The following CRPPA variants were observed in gnomAD, a reference collection of about 807,000 sequenced individuals.
CRPPA encodes the protein CDP-L-ribitol pyrophosphorylase A, also known as D-ribitol-5-phosphate cytidylyltransferase.
Under a neutral mutation model 52.0 loss-of-function variants are expected in CRPPA, and 43 were observed. The ratio of observed to expected loss-of-function variants is 0.83; its 90% CI spans 0.65 to 1.07. CRPPA has a LOEUF of 1.07. Among genes scored for constraint, CRPPA ranks in the 50% least tolerant of loss-of-function variants. The pLI, the probability that CRPPA is intolerant of heterozygous loss-of-function variation, is 0.00. For synonymous variants in CRPPA, 250 were observed against 203.5 expected (o/e 1.23, Z -1.94); for missense variants, 629 against 551.7 (o/e 1.14, Z -1.40).
chr7:16,191,516 T>C (rs1781608771), intron 9 of CRPPA, among the ~76,000 whole-genome samples: 1 of 152,072 alleles, frequency 6.6e-6, no homozygotes, highest in Non-Finnish European at 1.5e-5. Flanking sequence ...AGGAAGGAAT[T>C]AAGAATTGCC....
chr7:16,261,997 T>A (rs1448020732), intron 6 of CRPPA: 2 of 152,154 alleles, frequency 1.3e-5, no homozygotes, highest in African/African-American at 2.4e-5. Flanking sequence ...ATACTGTAGA[T>A]ATATGAGGTT....
At chr7:16,341,614 A>G (rs6943897) in intron 3 of CRPPA, among the ~76,000 whole-genome samples, 5,169 of 152,238 alleles carry the variant, frequency 0.034, 281 homozygotes, top group African/African-American at 0.12. Context: ...CTGTTTATAC[A>G]TATTAGGTGG....
At chr7:16,156,678 C>A (rs1268258848) in intron 9 of CRPPA, among the ~76,000 whole-genome samples, 1 of 152,168 alleles carries the variant, frequency 6.6e-6, no homozygotes, top group African/African-American at 2.4e-5. Context: ...AATATTTTCA[C>A]CTCCATCAAA....
chr7:16,154,673 T>C (rs1350286863), intron 9 of CRPPA, among the ~76,000 whole-genome samples: 2 of 152,194 alleles, frequency 1.3e-5, no homozygotes, highest in Non-Finnish European at 2.9e-5. Flanking sequence ...GATCTTGTCT[T>C]GTTCTTGACT....
At chr7:16,420,382 C>A (rs971999155) in intron 1 of CRPPA, among the ~76,000 whole-genome samples, 12 of 152,270 alleles carry the variant, frequency 7.9e-5, no homozygotes, top group Admixed American at 6.5e-4. Context: ...AATATTATAA[C>A]ATACCCCTTC....
chr7:16,186,768 C>A (rs1458537190), intron 9 of CRPPA, among the ~76,000 whole-genome samples: 1 of 151,542 alleles, frequency 6.6e-6, no homozygotes, highest in East Asian at 2.0e-4. Context: ...AATTTGTTCC[C>A]AGAGTTCCCA....
At position 16,284,028 on chromosome 7, in the gene CRPPA, G is replaced by A. The variant is rs553531028; in HGVS notation, c.836-5802C>T. 3.3e-5 allele frequency among the ~76,000 whole-genome samples: 5 copies of A among 152,194 alleles called. No homozygotes were observed. The South Asian group carries it at 6.2e-4, about 19-fold the overall frequency. On this transcript the variant is annotated intron_variant, in intron 5 of 9. Transcript: ENST00000407010. ...TGGCAGCACTTTGCATATGTGAAATGAGAAGAGACCAAAGAACGATTTCTA... is the reference window on the plus strand; with the variant it reads ...TGGCAGCACTTTGCATATGTGAAATAAGAAGAGACCAAAGAACGATTTCTA...
chr7:16,349,130 G>C (rs1316741594), intron 3 of CRPPA, among the ~76,000 whole-genome samples: 21 of 152,158 alleles, frequency 1.4e-4, no homozygotes, highest in Admixed American at 1.4e-3. Flanking sequence ...GAAGAAACTA[G>C]AAGACCATCC....
chr7:16,255,516 G>C (rs371577074), intron 8 of CRPPA, among the ~76,000 whole-genome samples: 1 of 152,264 alleles, frequency 6.6e-6, no homozygotes, highest in East Asian at 1.9e-4. Context: ...AAAGCTGGAG[G>C]CATCACGCTA....
chr7:16,317,390 C>A (rs528163706), intron 3 of CRPPA, among the ~76,000 whole-genome samples: 1 of 152,228 alleles, frequency 6.6e-6, no homozygotes, highest in African/African-American at 2.4e-5. Flanking sequence ...ATTGTTAACC[C>A]TAAAAATTGA....
At chr7:16,261,980 G>T (rs548550720) in intron 6 of CRPPA, 10 of 151,840 alleles carry the variant, frequency 6.6e-5, no homozygotes. Flanking sequence ...CATTATATTT[G>T]GAATGAATAC....
intron 8 of CRPPA, among the ~76,000 whole-genome samples, chr7:16,234,597 T>G (rs887998298): frequency 6.6e-6 from 1 of 152,134 alleles, no homozygotes; most frequent in African/African-American, 2.4e-5. Context: ...TAGCCATTAC[T>G]TGAGTTGCAA....
At chr7:16,379,745 G>A (rs1393141719) in intron 2 of CRPPA, among the ~76,000 whole-genome samples, 3 of 152,212 alleles carry the variant, frequency 2.0e-5, no homozygotes, top group South Asian at 2.1e-4. Context: ...TTATTCCTTT[G>A]AAGCAATTGT....
At chr7:16,417,229 G>A (rs1331209891) in intron 1 of CRPPA, among the ~76,000 whole-genome samples, 1 of 152,188 alleles carries the variant, frequency 6.6e-6, no homozygotes. Flanking sequence ...GTGGAAAGAA[G>A]TTTGGAGATT....
At chr7:16,152,603 AAAAC>A (rs1465644314) in intron 9 of CRPPA, among the ~76,000 whole-genome samples, 2 of 152,038 alleles carry the variant, frequency 1.3e-5, no homozygotes, top group Non-Finnish European at 2.9e-5. Context: ...AACTGAGGTT[AAAAC>A]AACAGAAAAT....
chr7:16,390,376 C>T (rs907900943), intron 2 of CRPPA, among the ~76,000 whole-genome samples: 1 of 152,130 alleles, frequency 6.6e-6, no homozygotes, highest in African/African-American at 2.4e-5. Flanking sequence ...CAATTTCTGT[C>T]TTCCTATGCT....
At chr7:16,390,862 T>G (rs937618117) in intron 2 of CRPPA, among the ~76,000 whole-genome samples, 1 of 152,192 alleles carries the variant, frequency 6.6e-6, no homozygotes, top group Admixed American at 6.5e-5. Context: ...CCTCCTGCAA[T>G]TAACTAATGC....
intron 3 of CRPPA, among the ~76,000 whole-genome samples, chr7:16,338,757 A>G (rs1785747937): frequency 1.3e-5 from 2 of 151,988 alleles, no homozygotes; most frequent in African/African-American, 4.8e-5. Context: ...TAAATCAATT[A>G]TCTTTCAAAG....
intron 9 of CRPPA, among the ~76,000 whole-genome samples, chr7:16,116,658 C>T (rs1299125242): frequency 1.5e-3 from 11 of 7,172 alleles, no homozygotes; most frequent in East Asian, 6.0e-3. Flanking sequence ...GAGACTCGGT[C>T]GAAAAAAAAA....
Sources: gnomAD v4.1 joint callset for allele counts (sites outside exome capture counted in the v4.1 genomes callset) on GRCh38, gnomAD v4.1.1 for gene constraint, MANE v1.5 for transcripts, NCBI Gene and HGNC (gene_info 2026-07-23, HGNC 2026-07-21) for gene names.